The following HPR variants were observed in gnomAD, a reference collection of about 807,000 sequenced individuals.
HPR encodes the protein Haptoglobin-related locus.
A neutral mutation model predicts 18.5 loss-of-function variants in HPR; 17 were observed. The ratio of observed to expected loss-of-function variants is 0.92; its 90% confidence interval spans 0.63 to 1.38. The LOEUF (loss-of-function observed/expected upper bound fraction) is 1.38. HPR is among the 40% of genes most tolerant of loss of function. The probability of loss-of-function intolerance (pLI) is 0.00; values close to 1 mark genes in which losing one functional copy is unlikely to be tolerated. For missense variants in HPR, 457 were observed against 432.4 expected, an observed-to-expected ratio of 1.06 and a Z score of -0.51; for synonymous variants, 176 against 165.0, an observed-to-expected ratio of 1.07 and a Z score of -0.51.
chr16:72,076,019 G>A (rs569423018), intron 4 of HPR, among the ~76,000 whole-genome samples: 31 of 152,042 alleles, frequency 2.0e-4, no homozygotes, highest in African/African-American at 7.0e-4. Context: ...AAATTCCTTT[G>A]TTGAGATAAT....
intron 1 of HPR, among the ~76,000 whole-genome samples, chr16:72,071,502 G>T (rs1226653365): frequency 6.6e-6 from 1 of 152,076 alleles, no homozygotes; most frequent in East Asian, 1.9e-4. Context: ...GTTCCCTGAA[G>T]CTCAACACCC....
chr16:72,074,002 C>T, intron 2 of HPR, 25 bp downstream of exon 2: 1 of 1,613,786 alleles, frequency 6.2e-7, no homozygotes, highest in African/African-American at 1.3e-5. Context: ...TGGGTAGGAG[C>T]ATGCATCCCT....
chr16:72,073,948 A>G lies in HPR; in HGVS notation c.62A>G (p.Tyr21Cys). 1 of 1,613,892 alleles carries G rather than the reference A, an allele frequency of 6.2e-7. No individual in the cohort carries two copies. Among genetic ancestry groups the G allele is most frequent in the African/African-American group, 1.3e-5 (1 of 74,984 alleles). ...LLWGRQLFAL[Y>C]SGNDVTDISD... ...TGGGGACGACAGCTTTTTGCACTGT[A>G]CTCAGGCAATGATGTCACGGATATT... The change falls in exon 2 of 5, where the codon TAC becomes TGC. Residue 21 changes from tyrosine (Y) to cysteine (C), a missense_variant. Coordinates refer to ENST00000540303, the MANE Select transcript of HPR (RefSeq NM_020995.4).
chr16:72,068,524 G>A (rs535262664), intron 1 of HPR, among the ~76,000 whole-genome samples: 1 of 152,280 alleles, frequency 6.6e-6, no homozygotes, highest in East Asian at 1.9e-4. Flanking sequence ...GAGCTAAAAG[G>A]AATAGCTTAT....
At chr16:72,074,516 T>A (rs2144075329) in intron 3 of HPR, 131 bp downstream of exon 3, 1 of 870,908 alleles carries the variant, frequency 1.1e-6, no homozygotes, top group Non-Finnish European at 1.9e-6. Context: ...TAGATTCTGA[T>A]AAGCGTTTTG....
rs190318994 is a variant in HPR, at chr16:72,068,229, C to T, written c.5+4969C>T. Among the ~76,000 whole-genome samples, 45 of 152,180 alleles carry T rather than the reference C, an allele frequency of 3.0e-4. 1 individual carries two copies. In the East Asian group the frequency reaches 7.2e-3, roughly 24 times the overall value. The stretch of plus-strand genomic sequence containing the variant: ...TGACCATCTACAGTTCGAGGGGTTA[C>T]GGGTCTCAAAGGGAAAGCTTCAGTG... On this transcript the variant is annotated intron_variant, in intron 1 of 4. Transcript: ENST00000540303.
chr16:72,074,987 C>CT lies in HPR; in HGVS notation c.194-155dup, dbSNP rs552704800. On this transcript the variant is annotated intron_variant, in intron 3 of 4. Coordinates refer to ENST00000540303, the MANE Select transcript of HPR (RefSeq NM_020995.4). ...GGCACTTGGCTTCCAGCACAGCACT[C>CT]TTTCCCTTCCTCCTTCTCGTATTCT... Among the ~76,000 whole-genome samples, 832 of 152,182 alleles carry CT rather than the reference C, an allele frequency of 5.5e-3. 10 individuals are homozygous for CT. Among genetic ancestry groups the CT allele is most frequent in the African/African-American group, 0.019 (771 of 41,438 alleles).
intron 4 of HPR, among the ~76,000 whole-genome samples, chr16:72,075,703 A>C (rs575694255): frequency 6.6e-6 from 1 of 152,338 alleles, no homozygotes; most frequent in Non-Finnish European, 1.5e-5. Flanking sequence ...GTGGTGTGGA[A>C]CTACCAACCT....
At chr16:72,065,268 C>T (rs1408193449) in intron 1 of HPR, among the ~76,000 whole-genome samples, 2 of 152,026 alleles carry the variant, frequency 1.3e-5, no homozygotes, top group Non-Finnish European at 2.9e-5. Flanking sequence ...TGAAGAACCT[C>T]CAGGAGGTGG....
At chr16:72,072,764 T>C (rs2041671077) in intron 1 of HPR, among the ~76,000 whole-genome samples, 1 of 152,158 alleles carries the variant, frequency 6.6e-6, no homozygotes, top group Non-Finnish European at 1.5e-5. Flanking sequence ...CTCGTTCCAG[T>C]GAGCTTTTTC....
intron 1 of HPR, among the ~76,000 whole-genome samples, chr16:72,065,920 C>T (rs2041593112): frequency 1.3e-5 from 2 of 152,182 alleles, no homozygotes; most frequent in South Asian, 4.1e-4. Context: ...ACTCCTCAGG[C>T]AGCTGCTGCT....
chr16:72,074,933 T>G (rs2041701941), intron 3 of HPR, among the ~76,000 whole-genome samples: 1 of 152,196 alleles, frequency 6.6e-6, no homozygotes, highest in Non-Finnish European at 1.5e-5. Context: ...ATCACCACAG[T>G]GTGTTCTGCT....
rs1326597461 is a variant in HPR at position 72,075,162 on chromosome 16, G to T, written c.211G>T (p.Asp71Tyr). 4 of 1,378,570 alleles carry T rather than the reference G, an allele frequency of 2.9e-6. No homozygotes were observed. The highest frequency in any genetic ancestry group is 4.1e-6 in the Non-Finnish European group (4 of 985,530). 85.4% of individuals were successfully genotyped at this position (1,378,570 alleles called of 1,614,324 possible). A position where few individuals can be genotyped will look rare whatever the true frequency, so the allele number is the denominator to read the frequency against. ...TEGDGVYTLN[D>Y]KKQWINKAVG... Reference sequence around the variant, plus strand: ...TGTTTCAGGAGTATACACCTTAAATGATAAGAAGCAGTGGATAAATAAGGC... The same window carrying T: ...TGTTTCAGGAGTATACACCTTAAATTATAAGAAGCAGTGGATAAATAAGGC... The change falls in exon 4 of 5, where the codon GAT becomes TAT. Residue 71 changes from aspartate (D) to tyrosine (Y), a missense_variant. Physicochemically the swap from Asp to Tyr is radical, Grantham distance 160. Transcript: ENST00000540303.
chr16:72,063,836 C>T (rs1409071037), intron 1 of HPR, among the ~76,000 whole-genome samples: 3 of 152,030 alleles, frequency 2.0e-5, no homozygotes, highest in African/African-American at 4.8e-5. Context: ...TCCCCCTCCC[C>T]GGTTCAAGCA....
At chr16:72,072,166 G>A (rs1182867457) in intron 1 of HPR, among the ~76,000 whole-genome samples, 6 of 152,008 alleles carry the variant, frequency 3.9e-5, no homozygotes, top group African/African-American at 1.2e-4. Context: ...GTGCCACCAC[G>A]CCTGGCTAAT....
intron 1 of HPR, among the ~76,000 whole-genome samples, chr16:72,070,929 A>C (rs1270366841): frequency 6.6e-6 from 1 of 152,152 alleles, no homozygotes; most frequent in East Asian, 1.9e-4. Context: ...AGAAACTCCA[A>C]CTAATTCATG....
chr16:72,074,216 C>T, intron 2 of HPR, 68 bp from the exon 3 acceptor site: 2 of 1,455,950 alleles, frequency 1.4e-6, no homozygotes, highest in South Asian at 1.1e-5. Flanking sequence ...TTCCACTCAT[C>T]TGACTTTTCA....
Position 72,075,176 on chromosome 16 carries a change from G to A in HPR, c.225G>A (p.Trp75Ter). 1.4e-6 allele frequency: 2 copies of A among 1,450,478 alleles called. No homozygotes were observed. The highest frequency in any genetic ancestry group is 1.9e-6 in the Non-Finnish European group (2 of 1,050,634). 89.9% of individuals were successfully genotyped at this position (1,450,478 alleles called of 1,614,324 possible). A position where few individuals can be genotyped will look rare whatever the true frequency, so the allele number is the denominator to read the frequency against. ...GVYTLNDKKQ[W>*]INKAVGDKLP... is the part of the protein sequence containing the mutation. ...ACACCTTAAATGATAAGAAGCAGTG[G>A]ATAAATAAGGCTGTTGGAGATAAAC... Residue 75 changes from tryptophan (W) to a stop codon, truncating the protein, a stop_gained, in exon 4 of 5, where the codon TGG (tryptophan) becomes TGA (stop). Transcript: ENST00000540303. LOFTEE classifies it low-confidence loss of function (END_TRUNC).
At chr16:72,075,336 T>C in intron 4 of HPR, 117 bp downstream of exon 4, 1 of 673,670 alleles carries the variant, frequency 1.5e-6, no homozygotes, top group South Asian at 1.9e-5. Flanking sequence ...GGAGGAGGGA[T>C]GTGGGAGAAC....
Sources: gnomAD v4.1 joint callset for allele counts (sites outside exome capture counted in the v4.1 genomes callset) on GRCh38, gnomAD v4.1.1 for gene constraint, MANE v1.5 for transcripts, NCBI Gene and HGNC (gene_info 2026-07-23, HGNC 2026-07-21) for gene names.